Variants in MTIF2 observed in about 807,000 individuals in gnomAD.
MTIF2 encodes mitochondrial translational initiation factor 2.
Under a neutral mutation model 83.5 loss-of-function variants are expected in MTIF2, and 71 were observed. The observed-to-expected ratio is 0.85, with a 90% CI of 0.70 to 1.04. The LOEUF (loss-of-function observed/expected upper bound fraction) is 1.04, where lower values mean the gene tolerates loss of function less well. MTIF2 is among the 50% of genes least tolerant of loss of function. The probability of loss-of-function intolerance (pLI) is 0.00; values close to 1 mark genes in which losing one functional copy is unlikely to be tolerated. For synonymous variants in MTIF2, 319 were observed against 287.1 expected, an observed-to-expected ratio of 1.11 and a Z score of -1.12; for missense variants, 957 against 846.5, an observed-to-expected ratio of 1.13 and a Z score of -1.62.
chr2:55,262,665 C>A (rs1678112213), intron 4 of MTIF2, among the ~76,000 whole-genome samples: 1 of 150,674 alleles, frequency 6.6e-6, no homozygotes, highest in Admixed American at 6.7e-5. Context: ...GCCTCAGCCT[C>A]CCCAGTAGCT....
At chr2:55,247,724 A>G (rs946453598) in intron 9 of MTIF2, among the ~76,000 whole-genome samples, 17 of 152,108 alleles carry the variant, frequency 1.1e-4, no homozygotes, top group African/African-American at 2.7e-4. Context: ...ATAATCCTTT[A>G]TATATCTTGG....
intron 6 of MTIF2, 57 bp downstream of exon 6, chr2:55,254,597 T>G: frequency 7.4e-7 from 1 of 1,348,712 alleles, no homozygotes; most frequent in Non-Finnish European, 9.9e-7. Flanking sequence ...TTAAAAAGTG[T>G]AAATATAACT....
chr2:55,257,862 C>T (rs954638611), intron 5 of MTIF2, among the ~76,000 whole-genome samples: 12 of 152,206 alleles, frequency 7.9e-5, no homozygotes, highest in African/African-American at 2.9e-4. Context: ...GTGGCACAAT[C>T]TCAGCTCACT....
chr2:55,268,082 C>T (rs1323495338), intron 2 of MTIF2, among the ~76,000 whole-genome samples: 2 of 151,908 alleles, frequency 1.3e-5, no homozygotes, highest in African/African-American at 4.8e-5. Context: ...GTGAAACCCC[C>T]TCTCTACTAA....
rs769623564 is a variant in MTIF2 at position 55,237,439 on chromosome 2, A to G, written c.1871-11T>C. ...GTATAGATGCCTCACCTTTAGGAAG[A>G]AGAGAACATTAATGTGCAGAAAACT... On this transcript the variant is annotated splice_polypyrimidine_tract_variant and intron_variant, in intron 14 of 15. Coordinates refer to ENST00000263629, the MANE Select transcript of MTIF2 (RefSeq NM_002453.3). 6.3e-6 allele frequency: 10 copies of G among 1,591,758 alleles called. No homozygotes were observed. The highest frequency in any genetic ancestry group is 2.7e-5 in the African/African-American group (2 of 73,454).
At chr2:55,262,832 G>A (rs577605200) in intron 4 of MTIF2, among the ~76,000 whole-genome samples, 5 of 151,882 alleles carry the variant, frequency 3.3e-5, no homozygotes, top group South Asian at 4.2e-4. Context: ...AGGTTCAAGC[G>A]CTTCTCCTGC....
chr2:55,237,097 G>A (rs1675892557), intron 15 of MTIF2, among the ~76,000 whole-genome samples, 191 bp downstream of exon 15: 1 of 152,130 alleles, frequency 6.6e-6, no homozygotes, highest in Non-Finnish European at 1.5e-5. Flanking sequence ...GGACTTGAAT[G>A]GGTAAAACCA....
rs1242598934 is a variant in MTIF2, at chr2:55,236,807, T to A, written c.2025A>T (p.Ser675=). 6.3e-7 allele frequency: 1 copy of A among 1,588,374 alleles called. No individual in the cohort carries two copies. Among genetic ancestry groups the A allele is most frequent in the East Asian group, 2.3e-5 (1 of 44,440 alleles). Residue 675 remains serine (S), a synonymous_variant, in exon 16 of 16, where the codon TCA becomes TCT. Coordinates refer to ENST00000263629, the MANE Select transcript of MTIF2 (RefSeq NM_002453.3). ...GHVIWKGSLT[S]LKHHKDDISI... ...AAATGTCATCTTTATGGTGTTTCAA[T>A]GAGGTTAATGAGCCTTAAAAAAGAT...
At position 55,263,501 on chromosome 2, in the gene MTIF2, T is replaced by A. The variant is rs1312680967; in HGVS notation, c.219+139A>T. The A allele has an allele frequency of 2.7e-5, 17 of 629,726 alleles. No individual in the cohort carries two copies. In the East Asian group the frequency reaches 4.7e-4, roughly 17 times the overall value. 39.0% of individuals were successfully genotyped at this position (629,726 alleles called of 1,614,324 possible). A position where few individuals can be genotyped will look rare whatever the true frequency, so the allele number is the denominator to read the frequency against. ...GGCTAATGCCTGTAACCCCAGCTAC[T>A]CAGGAGGCTGAGGCAGGAGAATTGC... On this transcript the variant is annotated intron_variant, in intron 4 of 15. Coordinates refer to ENST00000263629, the MANE Select transcript of MTIF2 (RefSeq NM_002453.3).
chr2:55,256,900 T>G (rs1392366766), intron 5 of MTIF2, among the ~76,000 whole-genome samples: 1 of 151,978 alleles, frequency 6.6e-6, no homozygotes, highest in Non-Finnish European at 1.5e-5. Context: ...GTTCTTGCCA[T>G]TTTGCCCAGG....
In MTIF2 at chr2:55,254,190, T is replaced by C. The variant is rs768985212; in HGVS notation, c.515A>G (p.Asp172Gly). 2.8e-5 allele frequency: 45 copies of C among 1,613,854 alleles called. No individual in the cohort carries two copies. Among genetic ancestry groups the C allele is most frequent in the Non-Finnish European group, 1.3e-5 (15 of 1,179,972 alleles). The change falls in exon 7 of 16, where the codon GAT (aspartate) becomes GGT (glycine). Residue 172 changes from aspartate to glycine, a missense_variant. By Grantham distance (94) the Asp-to-Gly change is moderately conservative. Transcript: ENST00000263629. ...GGACCTTGGGGTTAATAAAGCTGGA[T>C]CTGCCTGGGGCCTACAATTAACAGC... Reference protein sequence around the residue: ...NKDAVRRPQADPALLTPRSPV... With the variant: ...NKDAVRRPQAGPALLTPRSPV...
intron 5 of MTIF2, among the ~76,000 whole-genome samples, chr2:55,261,494 C>G (rs543476736): frequency 6.6e-6 from 1 of 152,004 alleles, no homozygotes; most frequent in African/African-American, 2.4e-5. Flanking sequence ...GTAATCCCAG[C>G]TCCTCAGGAG....
intron 5 of MTIF2, among the ~76,000 whole-genome samples, chr2:55,255,393 A>C (rs1019846220): frequency 2.7e-5 from 4 of 146,860 alleles, no homozygotes; most frequent in African/African-American, 9.9e-5. Flanking sequence ...ATTTATATAT[A>C]GTATTATATA....
intron 3 of MTIF2, among the ~76,000 whole-genome samples, chr2:55,265,077 TA>T (rs1280894791): frequency 6.6e-6 from 1 of 151,814 alleles, no homozygotes; most frequent in Non-Finnish European, 1.5e-5. Context: ...ACCCTGTCTC[TA>T]CTAAAAATAC....
chr2:55,261,607 C>CA (rs1678000836), intron 5 of MTIF2, among the ~76,000 whole-genome samples: 1 of 151,420 alleles, frequency 6.6e-6, no homozygotes, highest in African/African-American at 2.4e-5. Flanking sequence ...AACTCCATCT[C>CA]AAAAAATAAT....
Position 55,236,747 on chromosome 2 carries a change from A to G in MTIF2, c.2085T>C (p.Ser695=). The G allele has an allele frequency of 6.2e-7, 1 of 1,612,238 alleles. No individual in the cohort carries two copies. The highest frequency in any genetic ancestry group is 8.5e-7 in the Non-Finnish European group (1 of 1,179,528). The change falls in exon 16 of 16, where the codon AGT becomes AGC. Residue 695 remains serine (S), a synonymous_variant. Coordinates refer to ENST00000263629, the MANE Select transcript of MTIF2 (RefSeq NM_002453.3). The part of the protein sequence containing the change: ...IVKTGMDCGL[S]LDEDNMEFQV... The stretch of plus-strand genomic sequence containing the variant: ...GAAATTCCATATTGTCTTCATCTAA[A>G]CTGAGACCACAATCCATTCCCGTTT...
chr2:55,249,330 T>C (rs1464009339), intron 9 of MTIF2, 65 bp downstream of exon 9: 5 of 1,562,070 alleles, frequency 3.2e-6, no homozygotes, highest in African/African-American at 1.4e-5. Context: ...TTAGATGTAA[T>C]ATACTGTGTG....
At chr2:55,246,236 T>G in intron 10 of MTIF2, 101 bp downstream of exon 10, 1 of 1,255,940 alleles carries the variant, frequency 8.0e-7, no homozygotes, top group Non-Finnish European at 1.1e-6. Context: ...ATATTGTTCA[T>G]GAACTAACAA....
chr2:55,250,219 G>A (rs911122174), intron 8 of MTIF2, among the ~76,000 whole-genome samples: 1 of 152,064 alleles, frequency 6.6e-6, no homozygotes, highest in Non-Finnish European at 1.5e-5. Flanking sequence ...GCAGAATCGT[G>A]TGTACAAAAA....
Sources: gnomAD v4.1 joint callset for allele counts (sites outside exome capture counted in the v4.1 genomes callset) on GRCh38, gnomAD v4.1.1 for gene constraint, MANE v1.5 for transcripts, NCBI Gene and HGNC (gene_info 2026-07-23, HGNC 2026-07-21) for gene names.